FAM107B: variants seen among roughly 807,000 people sequenced by gnomAD.
The protein encoded by FAM107B is family with sequence similarity 107 member B.
FAM107B carries 21 observed loss-of-function variants against 31.5 expected under a neutral mutation model. That is an observed-to-expected ratio of 0.67 (90% CI 0.47 to 0.96). The LOEUF is 0.96. FAM107B is among the 40% of genes least tolerant of loss of function. The pLI, the probability that FAM107B is intolerant of heterozygous loss-of-function variation, is 0.00. For synonymous variants in FAM107B, 157 were observed against 141.5 expected (o/e 1.11, Z -0.78); for missense variants, 452 against 377.1 (o/e 1.20, Z -1.64).
In FAM107B at chr10:14,540,691, A is replaced by G. The variant is rs1848102870; in HGVS notation, c.470-10176T>C. Among the ~76,000 whole-genome samples, 3 of 152,316 alleles carry G rather than the reference A, an allele frequency of 2.0e-5. No individual in the cohort carries two copies. The South Asian group carries it at 6.2e-4, about 32-fold the overall frequency. On this transcript the variant is annotated intron_variant, in intron 2 of 4. Transcript: ENST00000181796. ...ATACACCTTTACCCCTTCTGCTACA[A>G]GAGCTGTTTCTAAAGTGTGTGTGGA...
In FAM107B at chr10:14,552,371, T is replaced by C. The variant is rs532584338; in HGVS notation, c.470-21856A>G. ...CTTCTCTGCACAATTAGACTTGCTC[T>C]AAAGAACTCAGATAAACTTTCTAAA... On this transcript the variant is annotated intron_variant, in intron 2 of 4. Coordinates refer to ENST00000181796, the MANE Select transcript of FAM107B (RefSeq NM_031453.4). Among the ~76,000 whole-genome samples the C allele has an allele frequency of 1.9e-4, 29 of 152,170 alleles. 1 individual carries two copies. The South Asian group carries it at 5.0e-3, about 26-fold the overall frequency.
chr10:14,710,432 A>ACT (rs1855617824), intron 1 of FAM107B, among the ~76,000 whole-genome samples: 1 of 4,236 alleles, frequency 2.4e-4, no homozygotes, highest in Non-Finnish European at 3.7e-4. Flanking sequence ...CTCTAAAAAT[A>ACT]CACACACACA....
At chr10:14,617,697 G>C (rs1279501733) in intron 2 of FAM107B, among the ~76,000 whole-genome samples, 1 of 150,770 alleles carries the variant, frequency 6.6e-6, no homozygotes, top group African/African-American at 2.4e-5. Flanking sequence ...CATCTAGGAA[G>C]GTGCTGTCCG....
intron 2 of FAM107B, among the ~76,000 whole-genome samples, chr10:14,662,380 T>G (rs200210982): frequency 7.4e-5 from 9 of 121,230 alleles, no homozygotes; most frequent in Non-Finnish European, 9.6e-5. Flanking sequence ...TGACCTGTCT[T>G]TTTTTTTTTT....
rs766653127 is a variant in FAM107B at position 14,774,857 on chromosome 10, G to A, written c.-194C>T. ...GTCACTTAGCCGCTGGGGCCCCTTT[G>A]AAAGTGTCCATCCTGGGCAATTTCG... is the stretch of plus-strand genomic sequence containing the variant. On this transcript the variant is annotated 5_prime_UTR_variant, in exon 1 of 5. Transcript: ENST00000181796. The A allele has an allele frequency of 8.1e-6, 5 of 618,006 alleles. No individual in the cohort carries two copies. Among genetic ancestry groups the A allele is most frequent in the Admixed American group, 3.1e-5 (1 of 32,778 alleles). The allele number at this position is 618,006 out of a possible 1,614,324, so 38.3% of individuals were successfully genotyped here.
intron 1 of FAM107B, among the ~76,000 whole-genome samples, chr10:14,692,615 G>A (rs1855165717): frequency 1.3e-5 from 2 of 152,140 alleles, no homozygotes; most frequent in Non-Finnish European, 2.9e-5. Flanking sequence ...TCATGGTTTA[G>A]GACTGTCGTC....
chr10:14,638,289 T>A (rs937937785), intron 2 of FAM107B, among the ~76,000 whole-genome samples: 3 of 152,158 alleles, frequency 2.0e-5, no homozygotes, highest in African/African-American at 4.8e-5. Flanking sequence ...TAAGGTTTTT[T>A]TTTTTTCCCC....
chr10:14,578,466 C>T (rs1851531769), intron 2 of FAM107B, among the ~76,000 whole-genome samples: 1 of 152,166 alleles, frequency 6.6e-6, no homozygotes, highest in Admixed American at 6.5e-5. Flanking sequence ...TCTGAAATAA[C>T]ACTACTGGCT....
intron 2 of FAM107B, among the ~76,000 whole-genome samples, chr10:14,636,703 G>T (rs952727344): frequency 6.6e-6 from 1 of 151,858 alleles, no homozygotes; most frequent in African/African-American, 2.4e-5. Context: ...TTTAGGGGGG[G>T]TGGGGGAGTG....
intron 1 of FAM107B, among the ~76,000 whole-genome samples, chr10:14,759,185 T>TAAAC (rs770287032): frequency 7.4e-6 from 1 of 135,336 alleles, no homozygotes; most frequent in African/African-American, 2.8e-5. Context: ...TCTCAAAAAA[T>TAAAC]AAATAAATAA....
intron 1 of FAM107B, among the ~76,000 whole-genome samples, chr10:14,728,934 A>G (rs969006868): frequency 2.6e-5 from 4 of 152,204 alleles, no homozygotes; most frequent in African/African-American, 9.6e-5. Flanking sequence ...CAAGTAAAAT[A>G]CAAGCCAGGC....
chr10:14,759,201 T>TA (rs1832992393), intron 1 of FAM107B, among the ~76,000 whole-genome samples: 2 of 151,158 alleles, frequency 1.3e-5, no homozygotes. Flanking sequence ...AATAAATAAA[T>TA]AAATAAATAA....
At chr10:14,537,605 C>A (rs755838717) in intron 2 of FAM107B, among the ~76,000 whole-genome samples, 23 of 151,950 alleles carry the variant, frequency 1.5e-4, no homozygotes, top group Admixed American at 1.4e-3. Flanking sequence ...TTTGGGAGGC[C>A]GAGGCGGGCG....
chr10:14,686,250 A>G (rs999241630), intron 1 of FAM107B, among the ~76,000 whole-genome samples: 20 of 152,234 alleles, frequency 1.3e-4, no homozygotes, highest in African/African-American at 3.9e-4. Context: ...TTAGCCGGGC[A>G]TGTTGGTTGG....
intron 1 of FAM107B, among the ~76,000 whole-genome samples, chr10:14,722,738 C>A: frequency 6.6e-6 from 1 of 152,128 alleles, no homozygotes; most frequent in Non-Finnish European, 1.5e-5. Context: ...ATATAATTTG[C>A]AAATATTTTC....
chr10:14,697,284 A>C (rs1297933300), intron 1 of FAM107B, among the ~76,000 whole-genome samples: 1 of 152,160 alleles, frequency 6.6e-6, no homozygotes, highest in Non-Finnish European at 1.5e-5. Context: ...GAGACCCCCC[A>C]ACCCAGCCTT....
At chr10:14,523,306 C>G (rs1845864527) in intron 3 of FAM107B, among the ~76,000 whole-genome samples, 1 of 149,434 alleles carries the variant, frequency 6.7e-6, no homozygotes, top group Non-Finnish European at 1.5e-5. Context: ...TTAAAATTTA[C>G]CAGGACAATT....
At chr10:14,548,110 G>A (rs1848878764) in intron 2 of FAM107B, among the ~76,000 whole-genome samples, 1 of 152,222 alleles carries the variant, frequency 6.6e-6, no homozygotes, top group African/African-American at 2.4e-5. Context: ...AGCAAGACCA[G>A]GACCCACAGC....
chr10:14,717,955 T>C (rs191125811), intron 1 of FAM107B, among the ~76,000 whole-genome samples: 1 of 152,274 alleles, frequency 6.6e-6, no homozygotes, highest in East Asian at 1.9e-4. Flanking sequence ...ATAGGGGTTT[T>C]ATGAATTTGG....
Sources: allele counts gnomAD v4.1 joint callset (sites outside exome capture counted in the v4.1 genomes callset), GRCh38; gene constraint gnomAD v4.1.1; transcripts MANE v1.5; gene names NCBI Gene and HGNC (gene_info 2026-07-23, HGNC 2026-07-21).